The following RPS6KB1 variants were observed in gnomAD, a reference collection of about 807,000 sequenced individuals.
RPS6KB1 encodes ribosomal protein S6 kinase B1.
In RPS6KB1, 12 loss-of-function variants were observed where a neutral mutation model predicts 70.2. The observed-to-expected ratio is 0.17, with a 90% confidence interval of 0.11 to 0.28. RPS6KB1 has a LOEUF of 0.28. Among genes scored for constraint, RPS6KB1 ranks in the 10% least tolerant of loss-of-function variants. The pLI is 1.00. For missense variants in RPS6KB1, 270 were observed against 646.6 expected (o/e 0.42, Z 6.32); for synonymous variants, 175 against 211.2 (o/e 0.83, Z 1.49).
chr17:59,936,292 C>T lies in RPS6KB1; in HGVS notation c.1041+15C>T, dbSNP rs1417397462. 6 of 1,589,554 alleles carry T rather than the reference C, an allele frequency of 3.8e-6. No homozygotes were observed. Among genetic ancestry groups the T allele is most frequent in the South Asian group, 3.5e-5 (3 of 86,220 alleles). ...GAGAAGTTCAAGTAGGGATTGGCAT[C>T]TTTGGTGTTTTGTGGGGAAGATAAT... On this transcript the variant is annotated intron_variant, in intron 11 of 14. Transcript: ENST00000225577.
In RPS6KB1 at chr17:59,919,957, A is replaced by G. The variant is rs72840307; in HGVS notation, c.381+5254A>G. 1.4e-3 allele frequency among the ~76,000 whole-genome samples: 209 copies of G among 152,268 alleles called. 2 individuals are homozygous for G. The highest frequency in any genetic ancestry group is 1.9e-3 in the Non-Finnish European group (132 of 68,020). On this transcript the variant is annotated intron_variant, in intron 4 of 14. Transcript: ENST00000225577. ...GTTTGATCTTACCCCACTCTGCTAC[A>G]TCATGGACCATTGCTTTATCCCCAC...
rs763779731 is a variant in RPS6KB1, at chr17:59,940,925, T to C, written c.1209T>C (p.Ser403=). The C allele has an allele frequency of 1.3e-6, 2 of 1,595,122 alleles. No homozygotes were observed. Among genetic ancestry groups the C allele is most frequent in the Admixed American group, 1.7e-5 (1 of 59,998 alleles). ...CAGATGACTCAACTCTCAGTGAAAG[T>C]GCCAATCAGGTCTTTCTGGTAAGTG... ...DSPDDSTLSE[S]ANQVFLGFTY... Residue 403 remains serine (S), a synonymous_variant, in exon 13 of 15, where the codon AGT becomes AGC. Transcript: ENST00000225577.
chr17:59,900,804 A>T (rs967322955), intron 1 of RPS6KB1, among the ~76,000 whole-genome samples: 6 of 152,116 alleles, frequency 3.9e-5, no homozygotes, highest in African/African-American at 1.4e-4. Context: ...TTGTTTATAC[A>T]ATTCAGTGAC....
At chr17:59,894,648 A>C (rs2041409201) in intron 1 of RPS6KB1, among the ~76,000 whole-genome samples, 1 of 152,260 alleles carries the variant, frequency 6.6e-6, no homozygotes, top group South Asian at 2.1e-4. Context: ...TCTATCACCC[A>C]GACTGGAGTG....
intron 5 of RPS6KB1, among the ~76,000 whole-genome samples, chr17:59,929,722 T>G (rs1276170980): frequency 6.6e-6 from 1 of 152,238 alleles, no homozygotes; most frequent in Non-Finnish European, 1.5e-5. Flanking sequence ...ATACGAAATA[T>G]GAGCATTCAC....
At chr17:59,900,010 A>T (rs577233444) in intron 1 of RPS6KB1, among the ~76,000 whole-genome samples, 2 of 152,150 alleles carry the variant, frequency 1.3e-5, no homozygotes, top group South Asian at 2.1e-4. Context: ...ACAAAAAATT[A>T]AAAAAATAAA....
At chr17:59,938,699 T>TGTGTG (rs2044395492) in intron 12 of RPS6KB1, among the ~76,000 whole-genome samples, 31 of 138,168 alleles carry the variant, frequency 2.2e-4, no homozygotes, top group Admixed American at 4.4e-4. Context: ...AATGTGTAGT[T>TGTGTG]TGTGTGTGTG....
intron 4 of RPS6KB1, among the ~76,000 whole-genome samples, chr17:59,923,670 C>T (rs60699783): frequency 0.018 from 2,664 of 151,570 alleles, 71 homozygotes; most frequent in African/African-American, 0.06. Context: ...CCACCACGCC[C>T]GGCTAATTTT....
rs2045129357 is a variant in RPS6KB1, at chr17:59,950,035, C to CT, written c.*3253dup. On this transcript the variant is annotated 3_prime_UTR_variant, in exon 15 of 15. Transcript: ENST00000225577. ...AAAACATCAATGTCCAAACATCTAC[C>CT]TTTTTTCATAGGAGTAGACACTAGC... The CT allele has an allele frequency of 1.3e-5, 2 of 152,334 alleles. No homozygotes were observed. The highest frequency in any genetic ancestry group is 4.1e-4 in the South Asian group (2 of 4,822). The allele number at this position is 152,334 out of a possible 1,614,324, so 9.4% of individuals were successfully genotyped here.
chr17:59,942,143 C>G (rs1207268135), intron 13 of RPS6KB1, among the ~76,000 whole-genome samples: 2 of 152,198 alleles, frequency 1.3e-5, no homozygotes, highest in East Asian at 1.9e-4. Context: ...CAGGCGTAAG[C>G]CACCACGCCC....
intron 12 of RPS6KB1, among the ~76,000 whole-genome samples, chr17:59,938,610 A>G (rs2044389203): frequency 6.6e-6 from 1 of 151,952 alleles, no homozygotes; most frequent in Admixed American, 6.6e-5. Context: ...CTGAATTTCC[A>G]AAAACTGGTA....
intron 4 of RPS6KB1, among the ~76,000 whole-genome samples, chr17:59,916,964 CTATT>C (rs1347597946): frequency 2.6e-5 from 4 of 151,990 alleles, no homozygotes; most frequent in African/African-American, 9.7e-5. Context: ...CAGTTTTCTT[CTATT>C]CTTGAGAGTT....
intron 7 of RPS6KB1, among the ~76,000 whole-genome samples, chr17:59,932,214 C>T (rs943798482): frequency 6.6e-6 from 1 of 151,316 alleles, no homozygotes; most frequent in African/African-American, 2.4e-5. Flanking sequence ...AGACGCCTGG[C>T]CAACATGGTG....
In RPS6KB1 at chr17:59,947,795, T is replaced by C. The variant is rs2045014781; in HGVS notation, c.*1007T>C. ...TCAGGATAAAAAATACATACTGTGG[T>C]CGGCAAGGTGAGGGAGATAGGGATA... On this transcript the variant is annotated 3_prime_UTR_variant, in exon 15 of 15. Coordinates refer to ENST00000225577, the MANE Select transcript of RPS6KB1 (RefSeq NM_003161.4). The C allele has an allele frequency of 1.9e-6, 1 of 525,616 alleles. No homozygotes were observed. The highest frequency in any genetic ancestry group is 3.4e-6 in the Non-Finnish European group (1 of 290,082). 32.6% of individuals were successfully genotyped at this position (525,616 alleles called of 1,614,324 possible). A position where few individuals can be genotyped will look rare whatever the true frequency, so the allele number is the denominator to read the frequency against.
rs2044970684 is a variant in RPS6KB1, at chr17:59,947,048, A to G, written c.*260A>G. On this transcript the variant is annotated 3_prime_UTR_variant, in exon 15 of 15. Coordinates refer to ENST00000225577, the MANE Select transcript of RPS6KB1 (RefSeq NM_003161.4). Reference sequence around the variant, plus strand: ...CTCGCGACATCTTCTCAACCTTATCAAGGATTTTCATGTTGATGACTCGAA... The same window carrying G: ...CTCGCGACATCTTCTCAACCTTATCGAGGATTTTCATGTTGATGACTCGAA... 7.7e-7 allele frequency: 1 copy of G among 1,296,404 alleles called. No individual in the cohort carries two copies. Among genetic ancestry groups the G allele is most frequent in the East Asian group, 3.4e-5 (1 of 29,600 alleles). 80.3% of individuals were successfully genotyped at this position (1,296,404 alleles called of 1,614,324 possible). A position where few individuals can be genotyped will look rare whatever the true frequency, so the allele number is the denominator to read the frequency against.
At chr17:59,919,606 A>G (rs1298087669) in intron 4 of RPS6KB1, among the ~76,000 whole-genome samples, 1 of 152,030 alleles carries the variant, frequency 6.6e-6, no homozygotes, top group Non-Finnish European at 1.5e-5. Context: ...CAACACGCGG[A>G]CTTTCACTAA....
intron 4 of RPS6KB1, among the ~76,000 whole-genome samples, chr17:59,915,501 T>C (rs889921767): frequency 1.3e-5 from 2 of 152,058 alleles, no homozygotes; most frequent in Admixed American, 6.6e-5. Flanking sequence ...ACTCTCACTC[T>C]GTTGTCCAGG....
In RPS6KB1 at chr17:59,946,883, A is replaced by G. The variant is rs2044958612; in HGVS notation, c.*95A>G. On this transcript the variant is annotated 3_prime_UTR_variant, in exon 15 of 15. Transcript: ENST00000225577. The surrounding 1 kb of genome is among the most constrained non-coding windows in gnomAD (Gnocchi z 4.2). ...TGAAACGACTCAAAATGACAGTTTC[A>G]GAGAGTCAATGTCATTACATAGAAC... is the stretch of plus-strand genomic sequence containing the variant. The G allele has an allele frequency of 1.6e-5, 26 of 1,578,572 alleles. No homozygotes were observed. The highest frequency in any genetic ancestry group is 8.6e-5 in the Admixed American group (5 of 57,840).
intron 7 of RPS6KB1, among the ~76,000 whole-genome samples, chr17:59,933,696 A>G (rs1157708173): frequency 6.6e-6 from 1 of 152,214 alleles, no homozygotes; most frequent in African/African-American, 2.4e-5. Context: ...CTACCTTGTT[A>G]TAATGAGTTT....
Sources: gnomAD v4.1 joint callset for allele counts (sites outside exome capture counted in the v4.1 genomes callset) on GRCh38, gnomAD v4.1.1 for gene constraint, Gnocchi (gnomAD v3.1) non-coding constraint, MANE v1.5 for transcripts, NCBI Gene and HGNC (gene_info 2026-07-23, HGNC 2026-07-21) for gene names.